ANKFN1: variants seen among roughly 807,000 people sequenced by gnomAD.
ANKFN1 encodes the protein ankyrin repeat and fibronectin type-III domain-containing protein 1.
ANKFN1 carries 74 observed loss-of-function variants against 108.7 expected under a neutral mutation model. That is an observed-to-expected ratio of 0.68 (90% CI 0.56 to 0.83). The LOEUF is 0.83. Among genes scored for constraint, ANKFN1 ranks in the 40% least tolerant of loss-of-function variants. The pLI is 0.00. For synonymous variants in ANKFN1, 547 were observed against 516.2 expected (o/e 1.06, Z -0.81); for missense variants, 1,505 against 1,382.3 (o/e 1.09, Z -1.41).
intron 3 of ANKFN1, among the ~76,000 whole-genome samples, chr17:56,304,365 T>C (rs2044757733): frequency 6.6e-6 from 1 of 152,250 alleles, no homozygotes; most frequent in Non-Finnish European, 1.5e-5. Context: ...ATGGAATTGA[T>C]GTAAATAACA....
chr17:56,446,486 T>C (rs2145188195), intron 10 of ANKFN1, among the ~76,000 whole-genome samples: 1 of 152,344 alleles, frequency 6.6e-6, no homozygotes, highest in Non-Finnish European at 1.5e-5. Flanking sequence ...CAAACATTTT[T>C]GAACTTTCCA....
At chr17:56,334,701 CA>C (rs1450322087) in intron 4 of ANKFN1, among the ~76,000 whole-genome samples, 1 of 151,908 alleles carries the variant, frequency 6.6e-6, no homozygotes, top group East Asian at 1.9e-4. Flanking sequence ...CAAGGTCATA[CA>C]GTTAATAAGT....
intron 3 of ANKFN1, among the ~76,000 whole-genome samples, chr17:56,255,656 G>A (rs1412258069): frequency 6.6e-6 from 1 of 152,190 alleles, no homozygotes; most frequent in African/African-American, 2.4e-5. Flanking sequence ...CAGTGTGGCA[G>A]TGTAACCCAA....
intron 15 of ANKFN1, chr17:56,471,544 G>A (rs550198730): frequency 3.3e-5 from 5 of 152,222 alleles, no homozygotes; most frequent in Non-Finnish European, 5.9e-5. Context: ...GAGGCAATTG[G>A]GCTGGACTTA....
chr17:56,497,070 G>A (rs1243371615), intron 19 of ANKFN1, among the ~76,000 whole-genome samples: 1 of 151,900 alleles, frequency 6.6e-6, no homozygotes. Flanking sequence ...TGTCCTTGTC[G>A]GGCACTCTAA....
chr17:56,157,587 A>G (rs1439789290), intron 1 of ANKFN1, among the ~76,000 whole-genome samples: 6 of 152,122 alleles, frequency 3.9e-5, no homozygotes, highest in Admixed American at 6.5e-5. Flanking sequence ...ACCAGGGACT[A>G]TTTCCCTGCC....
chr17:56,400,574 A>G (rs2047730198), intron 8 of ANKFN1, among the ~76,000 whole-genome samples: 1 of 151,934 alleles, frequency 6.6e-6, no homozygotes, highest in East Asian at 1.9e-4. Context: ...CTGTGCAAAA[A>G]GCTCGTGCAA....
chr17:56,105,115 G>A (rs1905720259), intron 4 of ANKFN1, among the ~76,000 whole-genome samples: 1 of 152,162 alleles, frequency 6.6e-6, no homozygotes, highest in African/African-American at 2.4e-5. Context: ...GGTAATGGGT[G>A]AGAAGGTCTC....
rs747557973 is a variant in ANKFN1, at chr17:56,393,337, T to C, written c.910+18623T>C. The stretch of plus-strand genomic sequence containing the variant: ...CTGCCCAATAAACCCTTAGTCATCC[T>C]TCAAAACAAAGCCCTCACTGGCCCC... On this transcript the variant is annotated intron_variant, in intron 8 of 20. Coordinates refer to ENST00000682825, the MANE Select transcript of ANKFN1 (RefSeq NM_001370326.1). Among the ~76,000 whole-genome samples the C allele has an allele frequency of 1.4e-4, 22 of 152,326 alleles. No homozygotes were observed. The South Asian group carries it at 1.4e-3, about 10-fold the overall frequency.
chr17:56,152,431 T>C (rs1908714661), upstream of ANKFN1, among the ~76,000 whole-genome samples: 1 of 152,018 alleles, frequency 6.6e-6, no homozygotes, highest in Non-Finnish European at 1.5e-5. Flanking sequence ...TCCTATTGTA[T>C]AGTAGCAGCA....
rs150093313 is a variant in ANKFN1 at position 56,324,982 on chromosome 17, A to T, written c.54-1239A>T. ...TCTAGAAAGGGGGAGAGTTTCATGA[A>T]TACAAGATGTCATTTCCAGGATTCT... On this transcript the variant is annotated intron_variant, in intron 3 of 20. Coordinates refer to ENST00000682825, the MANE Select transcript of ANKFN1 (RefSeq NM_001370326.1). Among the ~76,000 whole-genome samples the T allele has an allele frequency of 5.5e-4, 83 of 152,286 alleles. 1 individual carries two copies. The South Asian group carries it at 0.016, about 30-fold the overall frequency.
At chr17:56,369,518 A>G (rs924089442) in intron 6 of ANKFN1, among the ~76,000 whole-genome samples, 4 of 152,218 alleles carry the variant, frequency 2.6e-5, no homozygotes, top group Middle Eastern at 3.2e-3. Flanking sequence ...CTATCACACC[A>G]TTACTCAAGA....
chr17:56,421,598 C>A (rs1598579026), intron 8 of ANKFN1, among the ~76,000 whole-genome samples: 1 of 152,162 alleles, frequency 6.6e-6, no homozygotes, highest in Non-Finnish European at 1.5e-5. Flanking sequence ...TCTAATAATG[C>A]ATTAGTACGC....
intron 15 of ANKFN1, chr17:56,473,088 A>T (rs1404837862): frequency 1.3e-5 from 2 of 152,168 alleles, no homozygotes; most frequent in East Asian, 3.9e-4. Context: ...TGTGAGTTCC[A>T]TGAAGGGAAG....
intron 3 of ANKFN1, among the ~76,000 whole-genome samples, chr17:56,313,139 C>T (rs560542442): frequency 2.9e-4 from 40 of 138,390 alleles, no homozygotes; most frequent in African/African-American, 8.5e-4. Flanking sequence ...GGCAACAGAG[C>T]GAGAATCCAA....
chr17:56,383,971 C>T (rs764489368), intron 8 of ANKFN1, among the ~76,000 whole-genome samples: 1 of 152,204 alleles, frequency 6.6e-6, no homozygotes, highest in Non-Finnish European at 1.5e-5. Context: ...CTCTCTAAGT[C>T]ATTTTATGAG....
intron 6 of ANKFN1, among the ~76,000 whole-genome samples, chr17:56,366,259 C>T (rs893173515): frequency 1.8e-4 from 28 of 151,982 alleles, no homozygotes; most frequent in Admixed American, 5.9e-4. Flanking sequence ...GCTGTTATTA[C>T]AAAAGACCCA....
intron 3 of ANKFN1, among the ~76,000 whole-genome samples, chr17:56,302,889 T>G (rs1209515717): frequency 6.6e-6 from 1 of 152,230 alleles, no homozygotes; most frequent in African/African-American, 2.4e-5. Context: ...TGGTATTCTA[T>G]TCTAAGAATT....
At chr17:56,223,866 C>T (rs555002115) in intron 2 of ANKFN1, among the ~76,000 whole-genome samples, 4 of 152,226 alleles carry the variant, frequency 2.6e-5, no homozygotes, top group Admixed American at 6.5e-5. Context: ...GGATTGGGCA[C>T]GTTCTCTTCC....
Sources: allele counts gnomAD v4.1 joint callset (sites outside exome capture counted in the v4.1 genomes callset), GRCh38; gene constraint gnomAD v4.1.1; transcripts MANE v1.5; gene names NCBI Gene and HGNC (gene_info 2026-07-23, HGNC 2026-07-21).